The following CYB5RL variants were observed in gnomAD, a reference collection of about 807,000 sequenced individuals.
CYB5RL encodes NADH-cytochrome b5 reductase-like.
CYB5RL carries 38 observed loss-of-function variants against 37.5 expected under a neutral mutation model. That is an observed-to-expected ratio of 1.01 (90% CI 0.78 to 1.33). The LOEUF (loss-of-function observed/expected upper bound fraction) is 1.33, where lower values mean the gene tolerates loss of function less well. Among genes scored for constraint, CYB5RL ranks in the 40% most tolerant of loss-of-function variants. The pLI is 0.00. For missense variants in CYB5RL, 388 were observed against 394.4 expected (o/e 0.98, Z 0.14); for synonymous variants, 141 against 151.9 (o/e 0.93, Z 0.53).
At chr1:54,183,275 T>C (rs1011128814) in intron 6 of CYB5RL, among the ~76,000 whole-genome samples, 1 of 152,224 alleles carries the variant, frequency 6.6e-6, no homozygotes, top group African/African-American at 2.4e-5. Flanking sequence ...TTTTCTGCTA[T>C]TATAAATAAA....
chr1:54,197,317 C>CTTTTTTTTTTTTTTTTTT (rs766084507), intron 1 of CYB5RL, among the ~76,000 whole-genome samples: 1 of 124,080 alleles, frequency 8.1e-6, no homozygotes, highest in Non-Finnish European at 1.6e-5. Context: ...CTTTTCTTTT[C>CTTTTTTTTTTTTTTTTTT]TTTTTTTTTT....
intron 4 of CYB5RL, chr1:54,190,490 T>G: frequency 1.7e-6 from 1 of 600,646 alleles, no homozygotes; most frequent in South Asian, 2.0e-5. Flanking sequence ...TTGTGAGGGT[T>G]AAATGATTTC....
At chr1:54,190,313 A>G (rs1188516086) in intron 4 of CYB5RL, among the ~76,000 whole-genome samples, 1 of 152,204 alleles carries the variant, frequency 6.6e-6, no homozygotes, top group East Asian at 1.9e-4. Context: ...TCTCAATTCT[A>G]TCAATTGGTA....
chr1:54,190,528 T>C (rs975651233), intron 4 of CYB5RL: 12 of 644,996 alleles, frequency 1.9e-5, no homozygotes, highest in South Asian at 7.8e-5. Context: ...GAACTGTGCC[T>C]TGGATAGTAA....
intron 3 of CYB5RL, among the ~76,000 whole-genome samples, chr1:54,193,123 T>C (rs943901037): frequency 3.9e-5 from 6 of 152,254 alleles, no homozygotes; most frequent in African/African-American, 1.4e-4. Flanking sequence ...CCCTGGCATC[T>C]TTATTACCAA....
rs1054490044 is a variant in CYB5RL, at chr1:54,184,360, A to C, written c.436-95T>G. On this transcript the variant is annotated intron_variant, in intron 5 of 7. Transcript: ENST00000534324. ...AATGTGGAGCCCGTTCTGTATGCTA[A>C]GTGCTTCACATGTGTTATCTCATTT... 6 of 1,002,846 alleles carry C rather than the reference A, an allele frequency of 6.0e-6. No individual in the cohort carries two copies. The African/African-American group carries it at 9.7e-5, about 16-fold the overall frequency. 62.1% of individuals were successfully genotyped at this position (1,002,846 alleles called of 1,614,324 possible). A position where few individuals can be genotyped will look rare whatever the true frequency, so the allele number is the denominator to read the frequency against.
chr1:54,177,217 T>A (rs576313299), intron 7 of CYB5RL, among the ~76,000 whole-genome samples: 1 of 151,626 alleles, frequency 6.6e-6, no homozygotes, highest in East Asian at 1.9e-4. Context: ...CAGCAGGGAG[T>A]GGCTGGTACG....
rs78498489 is a variant in CYB5RL at position 54,197,070 on chromosome 1, G to A, written c.-222-579C>T. On this transcript the variant is annotated intron_variant, in intron 1 of 7. Coordinates refer to ENST00000534324, the MANE Select transcript of CYB5RL (RefSeq NM_001031672.4). ...CTCAAGAAGAAGTTGAGTTTTAAGG[G>A]AAAGAAGAAGAGAGTTTGGTTTCAG... Among the ~76,000 whole-genome samples the A allele has an allele frequency of 0.011, 1,681 of 152,236 alleles. 204 individuals are homozygous for A. In the East Asian group the frequency reaches 0.27, roughly 24 times the overall value.
At position 54,179,655 on chromosome 1, in the gene CYB5RL, C is replaced by T. The variant is rs575915850; in HGVS notation, c.541-303G>A. 3.9e-5 allele frequency among the ~76,000 whole-genome samples: 6 copies of T among 152,324 alleles called. No homozygotes were observed. The South Asian group carries it at 1.2e-3, about 32-fold the overall frequency. On this transcript the variant is annotated intron_variant, in intron 6 of 7. Transcript: ENST00000534324. ...TCCCCACAAGGACTCTGCTTACATA[C>T]TTCTACTGACAGGGGGCTCATTACT...
chr1:54,179,308 G>C lies in CYB5RL; in HGVS notation c.585C>G (p.Pro195=), dbSNP rs200140712. ...TGATGCTCTGCAGGATAGGCACCATGGGGGCCAGGCCCGTGCCCGCAGCCA... is the reference window on the plus strand; with the variant it reads ...TGATGCTCTGCAGGATAGGCACCATCGGGGCCAGGCCCGTGCCCGCAGCCA... ...LLLAAGTGLA[P]MVPILQSITD... Residue 195 remains proline (P), a synonymous_variant, in exon 7 of 8, where the codon CCC becomes CCG. Transcript: ENST00000534324. The C allele has an allele frequency of 1.9e-4, 304 of 1,613,762 alleles. No individual in the cohort carries two copies. The African/African-American group carries it at 3.6e-3, about 19-fold the overall frequency.
At position 54,173,581 on chromosome 1, in the gene CYB5RL, T is replaced by G. The variant is rs1429779191; in HGVS notation, c.*1038A>C. The G allele has an allele frequency of 6.6e-6, 1 of 152,246 alleles. No individual in the cohort carries two copies. The highest frequency in any genetic ancestry group is 2.4e-5 in the African/African-American group (1 of 41,458). The allele number at this position is 152,246 out of a possible 1,614,324, so 9.4% of individuals were successfully genotyped here. Reference sequence around the variant, plus strand: ...TCTTAGAGTCCTGAACTTTCAGCTTTGATATGGTGAAGAGTACATTTCTAT... The same window carrying G: ...TCTTAGAGTCCTGAACTTTCAGCTTGGATATGGTGAAGAGTACATTTCTAT... On this transcript the variant is annotated 3_prime_UTR_variant, in exon 8 of 8. Coordinates refer to ENST00000534324, the MANE Select transcript of CYB5RL (RefSeq NM_001031672.4).
rs530303527 is a variant in CYB5RL at position 54,174,712 on chromosome 1, G to A, written c.855C>T (p.Phe285=). The change falls in exon 8 of 8, where the codon TTC becomes TTT. Residue 285 remains phenylalanine (F), a synonymous_variant. Transcript: ENST00000534324. ...ELVSCCRRKP[F]ALVCGSAEFT... ...ACTCAGCCGAGCCACAGACCAGTGCGAATGGCTTTCTCCGACAGCAGCTGA... is the reference window on the plus strand; with the variant it reads ...ACTCAGCCGAGCCACAGACCAGTGCAAATGGCTTTCTCCGACAGCAGCTGA... 1.1e-5 allele frequency: 18 copies of A among 1,613,952 alleles called. No homozygotes were observed. The highest frequency in any genetic ancestry group is 1.7e-4 in the Middle Eastern group (1 of 6,060).
intron 1 of CYB5RL, among the ~76,000 whole-genome samples, chr1:54,199,321 A>AT (rs1557728608): frequency 2.0e-5 from 3 of 152,224 alleles, no homozygotes; most frequent in Non-Finnish European, 4.4e-5. Flanking sequence ...CACTGAGCTC[A>AT]TATCTTAGGG....
At chr1:54,175,940 G>A (rs1045254928) in intron 7 of CYB5RL, among the ~76,000 whole-genome samples, 2 of 152,110 alleles carry the variant, frequency 1.3e-5, no homozygotes, top group African/African-American at 4.8e-5. Context: ...TATATAGTCT[G>A]AAGAATTTAA....
chr1:54,185,571 A>G (rs1660267538), intron 5 of CYB5RL: 1 of 152,180 alleles, frequency 6.6e-6, no homozygotes, highest in Non-Finnish European at 1.5e-5. Flanking sequence ...CTCTGATATC[A>G]TCCCTGACTT....
intron 6 of CYB5RL, among the ~76,000 whole-genome samples, chr1:54,181,331 G>T (rs1442196188): frequency 6.6e-6 from 1 of 152,212 alleles, no homozygotes; most frequent in Non-Finnish European, 1.5e-5. Flanking sequence ...GACTCCCCCA[G>T]CAGACTGTGA....
chr1:54,185,042 T>C (rs1231980166), intron 5 of CYB5RL: 1 of 152,234 alleles, frequency 6.6e-6, no homozygotes, highest in Non-Finnish European at 1.5e-5. Flanking sequence ...TTAAGCTCCA[T>C]GAAGGCAGCC....
Position 54,195,655 on chromosome 1 carries a change from C to T in CYB5RL, c.-39G>A. 6.4e-7 allele frequency: 1 copy of T among 1,568,140 alleles called. No individual in the cohort carries two copies. Among genetic ancestry groups the T allele is most frequent in the Middle Eastern group, 1.9e-4 (1 of 5,268 alleles). ...GCAGCCTAGAAGGAACAACTGGGTG[C>T]TCTTCCAGAACAGGCCAGGCTCTAT... On this transcript the variant is annotated 5_prime_UTR_variant, in exon 3 of 8. Transcript: ENST00000534324.
rs1402910392 is a variant in CYB5RL, at chr1:54,171,666, T to C, written c.*2953A>G. On this transcript the variant is annotated 3_prime_UTR_variant, in exon 8 of 8. Coordinates refer to ENST00000534324, the MANE Select transcript of CYB5RL (RefSeq NM_001031672.4). ...CCTGGTTGACCTCTTGATGCCTGCG[T>C]ATCATGTCTAGCTCCTAAGTCTCCC... 2.9e-6 allele frequency: 1 copy of C among 350,082 alleles called. No homozygotes were observed. The highest frequency in any genetic ancestry group is 7.4e-5 in the East Asian group (1 of 13,520). 21.7% of individuals were successfully genotyped at this position (350,082 alleles called of 1,614,324 possible).
Sources: allele counts gnomAD v4.1 joint callset (sites outside exome capture counted in the v4.1 genomes callset), GRCh38; gene constraint gnomAD v4.1.1; transcripts MANE v1.5; gene names NCBI Gene and HGNC (gene_info 2026-07-23, HGNC 2026-07-21).